NDST1: variants seen among roughly 807,000 people sequenced by gnomAD.
The protein encoded by NDST1 is N-deacetylase and N-sulfotransferase 1.
Under a neutral mutation model 92.8 loss-of-function variants are expected in NDST1, and 35 were observed. The observed-to-expected ratio is 0.38, with a 90% CI of 0.29 to 0.50. NDST1 has a LOEUF of 0.50. Among genes scored for constraint, NDST1 ranks in the 20% least tolerant of loss-of-function variants. NDST1 has a pLI of 0.94. For missense variants in NDST1, 822 were observed against 1,182.7 expected, an observed-to-expected ratio of 0.69 and a Z score of 4.47; for synonymous variants, 493 against 500.3, an observed-to-expected ratio of 0.99 and a Z score of 0.19.
Position 150,535,813 on chromosome 5 carries a change from G to A in NDST1, c.1365G>A (p.Val455=), listed in dbSNP as rs759127001. ...GGAAGCAGGTGTGGAGCATCCGCGT[G>A]ACCAGCACGGAGGAGTACCCCCACC... is the stretch of plus-strand genomic sequence containing the variant. ...EAWKQVWSIR[V]TSTEEYPHLK... Residue 455 remains valine, a synonymous_variant, in exon 6 of 15, where the codon GTG becomes GTA. Coordinates refer to ENST00000261797, the MANE Select transcript of NDST1 (RefSeq NM_001543.5). 6.2e-7 allele frequency: 1 copy of A among 1,614,166 alleles called. No homozygotes were observed. Among genetic ancestry groups the A allele is most frequent in the Non-Finnish European group, 8.5e-7 (1 of 1,180,028 alleles).
At position 150,554,464 on chromosome 5, in the gene NDST1, C is replaced by G. The variant is rs1310135546; in HGVS notation, c.*1132C>G. The G allele has an allele frequency of 1.3e-5, 2 of 152,042 alleles. No individual in the cohort carries two copies. The highest frequency in any genetic ancestry group is 2.9e-5 in the Non-Finnish European group (2 of 68,054). 9.4% of individuals were successfully genotyped at this position (152,042 alleles called of 1,614,324 possible). On this transcript the variant is annotated 3_prime_UTR_variant, in exon 15 of 15. Transcript: ENST00000261797. ...TCTCAGGGGTCACCCTGTCTTAGAG[C>G]TAGAGATGAGGTGGCAGGGAGGGAG...
At chr5:150,549,307 C>G (rs1371166520) in intron 12 of NDST1, among the ~76,000 whole-genome samples, 1 of 152,218 alleles carries the variant, frequency 6.6e-6, no homozygotes, top group Non-Finnish European at 1.5e-5. Flanking sequence ...CCACCGTGCC[C>G]GGCCATGCCC....
chr5:150,546,510 T>G lies in NDST1; in HGVS notation c.2145+1024T>G, dbSNP rs140803781. 5.3e-3 allele frequency among the ~76,000 whole-genome samples: 805 copies of G among 152,326 alleles called. 6 individuals carry two copies. Among genetic ancestry groups the G allele is most frequent in the Non-Finnish European group, 8.9e-3 (605 of 68,018 alleles). On this transcript the variant is annotated intron_variant, in intron 11 of 14. Coordinates refer to ENST00000261797, the MANE Select transcript of NDST1 (RefSeq NM_001543.5). ...CACCCTGTTGTCCAGGCCGAGGTCC[T>G]GAGCATCCTCGTTAACCCAGCAGAC...
intron 6 of NDST1, among the ~76,000 whole-genome samples, chr5:150,537,249 G>A (rs1277494136): frequency 6.6e-6 from 1 of 152,196 alleles, no homozygotes; most frequent in African/African-American, 2.4e-5. Flanking sequence ...AAAAGAACAG[G>A]ATAACAGCGA....
At chr5:150,518,231 C>T (rs930732547) in intron 1 of NDST1, among the ~76,000 whole-genome samples, 3 of 152,164 alleles carry the variant, frequency 2.0e-5, no homozygotes, top group Admixed American at 6.5e-5. Context: ...CTCCAGGAAG[C>T]CTTCCCTGTC....
chr5:150,520,948 C>T lies in NDST1; in HGVS notation c.-307C>T, dbSNP rs1754219902. On this transcript the variant is annotated 5_prime_UTR_variant, in exon 2 of 15. Transcript: ENST00000261797. ...CAGTGTCCTCTGGCCTGCTGCCCTGCACCCCCAGAAGGCCCTGACGCCCTG... is the reference window on the plus strand; with the variant it reads ...CAGTGTCCTCTGGCCTGCTGCCCTGTACCCCCAGAAGGCCCTGACGCCCTG... 1 of 555,804 alleles carries T rather than the reference C, an allele frequency of 1.8e-6. No individual in the cohort carries two copies. The highest frequency in any genetic ancestry group is 2.9e-5 in the East Asian group (1 of 34,436). The allele number at this position is 555,804 out of a possible 1,614,324, so 34.4% of individuals were successfully genotyped here.
intron 13 of NDST1, chr5:150,550,496 C>G (rs1438886342): frequency 6.5e-6 from 1 of 153,596 alleles, no homozygotes; most frequent in Admixed American, 6.5e-5. Context: ...GAATGCCCTC[C>G]CACTATGAGT....
chr5:150,534,762 G>T, intron 4 of NDST1, 105 bp from the exon 5 acceptor site: 1 of 1,402,082 alleles, frequency 7.1e-7, no homozygotes, highest in South Asian at 1.2e-5. Flanking sequence ...CTTCCAGGCA[G>T]CTCCTGGGTG....
rs544352651 is a variant in NDST1, at chr5:150,500,709, A to G, written c.-388+2470A>G. ...AAAGCCTGGCCTGGGTGGCCCAGTG[A>G]CCTGGCCACAGGCTGAGGGGCTCTC... On this transcript the variant is annotated intron_variant, in intron 1 of 1. Transcript: ENST00000518299. Among the ~76,000 whole-genome samples the G allele has an allele frequency of 7.9e-5, 12 of 152,336 alleles. No individual in the cohort carries two copies. In the East Asian group the frequency reaches 1.7e-3, roughly 22 times the overall value.
At chr5:150,532,218 T>C (rs1244674693) in intron 3 of NDST1, among the ~76,000 whole-genome samples, 1 of 152,250 alleles carries the variant, frequency 6.6e-6, no homozygotes, top group Admixed American at 6.5e-5. Context: ...GCAATCCTCC[T>C]GCCTTAGCCT....
At chr5:150,536,334 T>TA (rs989991312) in intron 6 of NDST1, among the ~76,000 whole-genome samples, 284 of 147,706 alleles carry the variant, frequency 1.9e-3, no homozygotes, top group African/African-American at 1.5e-3. Context: ...AAAAAAGTAC[T>TA]AAAAAAAAAA....
rs1393510278 is a variant in NDST1 at position 150,539,298 on chromosome 5, G to A, written c.1508G>A (p.Ser503Asn). 6.2e-7 allele frequency: 1 copy of A among 1,614,110 alleles called. No homozygotes were observed. Among genetic ancestry groups the A allele is most frequent in the Non-Finnish European group, 8.5e-7 (1 of 1,180,024 alleles). The change falls in exon 7 of 15, where the codon AGT becomes AAT. Residue 503 changes from serine (S) to asparagine (N), a missense_variant. Physicochemically the swap from Ser to Asn is conservative, Grantham distance 46. Transcript: ENST00000261797. ...IFYNEYPGGS[S>N]ELDKIINGGE... ...TACAACGAGTACCCTGGCGGCTCCA[G>A]TGAGCTGGACAAGATCATCAACGGG...
intron 1 of NDST1, among the ~76,000 whole-genome samples, chr5:150,500,642 A>T: frequency 6.6e-6 from 1 of 152,232 alleles, no homozygotes; most frequent in Non-Finnish European, 1.5e-5. Context: ...GCCTGGCTCA[A>T]AGTGGGCAAG....
chr5:150,538,944 C>T (rs557102164), intron 6 of NDST1, among the ~76,000 whole-genome samples: 45 of 152,362 alleles, frequency 3.0e-4, no homozygotes, highest in Middle Eastern at 3.4e-3. Flanking sequence ...AGGCAGGGGC[C>T]GTGGCTGCAG....
intron 12 of NDST1, among the ~76,000 whole-genome samples, chr5:150,548,677 C>T (rs1222727800): frequency 1.3e-5 from 2 of 152,070 alleles, no homozygotes; most frequent in South Asian, 2.1e-4. Flanking sequence ...GCTGGGACTA[C>T]AGGTGTGAGC....
chr5:150,513,604 G>A (rs1753824921), intron 1 of NDST1, among the ~76,000 whole-genome samples: 1 of 152,216 alleles, frequency 6.6e-6, no homozygotes, highest in African/African-American at 2.4e-5. Context: ...AGGCCTGCTG[G>A]CGCACAGTAG....
Position 150,527,967 on chromosome 5 carries a change from C to G in NDST1, c.677C>G (p.Thr226Arg). ...GGTGTGCTCCCCGGCGAGGACTGGA[C>G]GGTTTTCCAGTCAAATCACTCCACC... is the stretch of plus-strand genomic sequence containing the variant. ...EKGVLPGEDW[T>R]VFQSNHSTYE... The change falls in exon 3 of 15, where the codon ACG becomes AGG. Residue 226 changes from threonine (T) to arginine (R), a missense_variant. By Grantham distance (71) the Thr-to-Arg change is moderately conservative (BLOSUM62 -1). Transcript: ENST00000261797. The G allele has an allele frequency of 6.2e-7, 1 of 1,613,986 alleles. No homozygotes were observed. Among genetic ancestry groups the G allele is most frequent in the Non-Finnish European group, 8.5e-7 (1 of 1,179,940 alleles).
Position 150,553,164 on chromosome 5 carries a change from G to T in NDST1, c.2530-49G>T. Reference sequence around the variant, plus strand: ...CCGAGCATGGCGATTTTTAGAGGAGGTCACTCTTAAGTCAGTACACAAGGT... The same window carrying T: ...CCGAGCATGGCGATTTTTAGAGGAGTTCACTCTTAAGTCAGTACACAAGGT... On this transcript the variant is annotated intron_variant, in intron 14 of 14. Transcript: ENST00000261797. The surrounding 1 kb of genome is among the most constrained non-coding windows in gnomAD (Gnocchi z 4.2). The T allele has an allele frequency of 6.3e-7, 1 of 1,599,646 alleles. No homozygotes were observed. Among genetic ancestry groups the T allele is most frequent in the Non-Finnish European group, 8.5e-7 (1 of 1,170,344 alleles).
intron 5 of NDST1, 102 bp downstream of exon 5, chr5:150,535,123 T>C: frequency 2.0e-6 from 3 of 1,498,200 alleles, no homozygotes; most frequent in South Asian, 1.2e-5. Context: ...CTCTGACGGA[T>C]TTTTACTAAC....
Sources: gnomAD v4.1 joint callset for allele counts (sites outside exome capture counted in the v4.1 genomes callset) on GRCh38, gnomAD v4.1.1 for gene constraint, Gnocchi (gnomAD v3.1) non-coding constraint, MANE v1.5 for transcripts, NCBI Gene and HGNC (gene_info 2026-07-23, HGNC 2026-07-21) for gene names.